The following SAMD3 variants were observed in gnomAD, a reference collection of about 807,000 sequenced individuals.
The protein encoded by SAMD3 is sterile alpha motif domain containing 3.
In SAMD3, 63 loss-of-function variants were observed where a neutral mutation model predicts 58.5. The observed-to-expected ratio is 1.08, with a 90% CI of 0.88 to 1.33. The LOEUF is 1.33. SAMD3 is among the 40% of genes most tolerant of loss of function. The pLI is 0.00. For missense variants in SAMD3, 604 were observed against 608.4 expected (o/e 0.99, Z 0.08); for synonymous variants, 220 against 210.3 (o/e 1.05, Z -0.40).
intron 1 of SAMD3, among the ~76,000 whole-genome samples, chr6:130,358,912 T>C (rs1777910183): frequency 6.6e-6 from 1 of 152,202 alleles, no homozygotes; most frequent in African/African-American, 2.4e-5. Flanking sequence ...GTAATTTAAG[T>C]AGTCTTTTAT....
intron 8 of SAMD3, 24 bp from the exon 9 acceptor site, chr6:130,155,049 A>G (rs763025171): frequency 6.3e-7 from 1 of 1,586,286 alleles, no homozygotes; most frequent in Non-Finnish European, 8.6e-7. Flanking sequence ...TCAACATATC[A>G]ATGGATTCCA....
intron 1 of SAMD3, among the ~76,000 whole-genome samples, chr6:130,342,379 T>C (rs761478329): frequency 1.4e-4 from 21 of 152,304 alleles, no homozygotes; most frequent in Non-Finnish European, 2.2e-4. Context: ...TGTGAAAATA[T>C]AAAAATGTAA....
At chr6:130,261,947 G>T (rs1338148983) in intron 2 of SAMD3, among the ~76,000 whole-genome samples, 1 of 151,770 alleles carries the variant, frequency 6.6e-6, no homozygotes, top group Non-Finnish European at 1.5e-5. Flanking sequence ...GAGAGAGACA[G>T]AGAGAGAGAC....
intron 2 of SAMD3, among the ~76,000 whole-genome samples, chr6:130,299,841 A>C (rs1775686812): frequency 6.6e-6 from 1 of 152,192 alleles, no homozygotes; most frequent in Non-Finnish European, 1.5e-5. Flanking sequence ...ATCTCTGTGC[A>C]CACACTAGAA....
At chr6:130,238,083 T>A (rs1185085592) in intron 2 of SAMD3, among the ~76,000 whole-genome samples, 1 of 152,158 alleles carries the variant, frequency 6.6e-6, no homozygotes, top group African/African-American at 2.4e-5. Flanking sequence ...TTCTCAATCA[T>A]CATATTTTTA....
At chr6:130,257,372 T>G (rs1562484214) in intron 2 of SAMD3, among the ~76,000 whole-genome samples, 1 of 152,220 alleles carries the variant, frequency 6.6e-6, no homozygotes, top group Non-Finnish European at 1.5e-5. Flanking sequence ...GGTGTACAAG[T>G]CTTTTAGTCT....
chr6:130,153,299 CCA>C (rs1304434447), intron 9 of SAMD3, among the ~76,000 whole-genome samples: 1 of 152,142 alleles, frequency 6.6e-6, no homozygotes, highest in Non-Finnish European at 1.5e-5. Flanking sequence ...CAAGCGAAAG[CCA>C]CAGTATGGTT....
intron 2 of SAMD3, among the ~76,000 whole-genome samples, chr6:130,238,760 ATTTG>A (rs201145059): frequency 0.014 from 2,202 of 151,998 alleles, 28 homozygotes; most frequent in Non-Finnish European, 0.022. Context: ...AGTTTCCCAG[ATTTG>A]TTTGTTTGTT....
At chr6:130,339,692 C>G (rs987371496) in intron 1 of SAMD3, among the ~76,000 whole-genome samples, 1 of 152,160 alleles carries the variant, frequency 6.6e-6, no homozygotes, top group Non-Finnish European at 1.5e-5. Flanking sequence ...ACGAAATCCA[C>G]ATTTATGCTT....
At chr6:130,181,933 G>A (rs113973382) in intron 7 of SAMD3, among the ~76,000 whole-genome samples, 8 of 152,086 alleles carry the variant, frequency 5.3e-5, no homozygotes, top group Admixed American at 3.9e-4. Context: ...GGCGTGGTGG[G>A]GGGCACCTGT....
intron 2 of SAMD3, among the ~76,000 whole-genome samples, chr6:130,268,570 T>C (rs555395316): frequency 2.0e-5 from 3 of 152,300 alleles, no homozygotes; most frequent in East Asian, 3.9e-4. Flanking sequence ...GTGTCCTATA[T>C]AGATGCACCA....
intron 2 of SAMD3, among the ~76,000 whole-genome samples, chr6:130,229,729 A>T (rs1161233905): frequency 6.6e-6 from 1 of 152,168 alleles, no homozygotes; most frequent in Non-Finnish European, 1.5e-5. Context: ...TTTGAGAGCA[A>T]GGGCTGTTTC....
intron 2 of SAMD3, among the ~76,000 whole-genome samples, chr6:130,248,346 C>G (rs1276535560): frequency 1.3e-5 from 2 of 152,138 alleles, no homozygotes; most frequent in African/African-American, 2.4e-5. Context: ...ATGTCTAGAT[C>G]AAAACCATGC....
intron 1 of SAMD3, among the ~76,000 whole-genome samples, chr6:130,359,214 T>G (rs762915949): frequency 6.6e-6 from 1 of 152,238 alleles, no homozygotes; most frequent in Non-Finnish European, 1.5e-5. Context: ...TTTTTATCAC[T>G]ATATACAATA....
intron 1 of SAMD3, among the ~76,000 whole-genome samples, chr6:130,363,613 A>G (rs951425803): frequency 6.6e-6 from 1 of 152,134 alleles, no homozygotes; most frequent in Non-Finnish European, 1.5e-5. Context: ...ATTTCATTCA[A>G]TTTTCACAAC....
At chr6:130,350,205 T>C (rs144470436) in intron 1 of SAMD3, among the ~76,000 whole-genome samples, 2,781 of 152,258 alleles carry the variant, frequency 0.018, 24 homozygotes, top group Non-Finnish European at 0.027. Flanking sequence ...CAACATAGTG[T>C]TAGAAGTTCT....
chr6:130,245,316 G>A (rs373178539), intron 2 of SAMD3, among the ~76,000 whole-genome samples: 1 of 152,178 alleles, frequency 6.6e-6, no homozygotes, highest in African/African-American at 2.4e-5. Context: ...AACAAGTAAC[G>A]TTATTTCAAC....
At chr6:130,194,055 C>T (rs567859087) in intron 5 of SAMD3, among the ~76,000 whole-genome samples, 37 of 152,258 alleles carry the variant, frequency 2.4e-4, no homozygotes, top group Admixed American at 3.9e-4. Context: ...CCTCAGCCTC[C>T]GCTCCTCCAC....
chr6:130,309,830 G>T (rs1776080599), intron 2 of SAMD3, among the ~76,000 whole-genome samples: 2 of 152,114 alleles, frequency 1.3e-5, no homozygotes, highest in South Asian at 2.1e-4. Context: ...GGAGGTAAAA[G>T]CTCCCTATCT....
Sources: allele counts gnomAD v4.1 joint callset (sites outside exome capture counted in the v4.1 genomes callset), GRCh38; gene constraint gnomAD v4.1.1; transcripts MANE v1.5; gene names NCBI Gene and HGNC (gene_info 2026-07-23, HGNC 2026-07-21).